Variants in SCNN1B observed in about 807,000 individuals in gnomAD.
SCNN1B encodes the protein epithelial sodium channel subunit beta.
Under a neutral mutation model 65.3 loss-of-function variants are expected in SCNN1B, and 46 were observed. The ratio of observed to expected loss-of-function variants is 0.70; its 90% CI spans 0.56 to 0.90. The LOEUF is 0.90. Ranked by LOEUF, SCNN1B falls within the 40% of genes least tolerant of loss-of-function variation. The pLI, the probability that SCNN1B is intolerant of heterozygous loss-of-function variation, is 0.00. For missense variants in SCNN1B, 751 were observed against 830.5 expected (o/e 0.90, Z 1.18); for synonymous variants, 349 against 330.6 (o/e 1.06, Z -0.60).
At position 23,380,256 on chromosome 16, in the gene SCNN1B, G is replaced by A. The variant is rs1315794889; in HGVS notation, c.1542+87G>A. On this transcript the variant is annotated intron_variant, in intron 12 of 12. Transcript: ENST00000343070. This position sits in a 1 kb window ranked among gnomAD's most constrained non-coding sequence, Gnocchi z 5.4. ...GTGGGGGAAGGGTTCTGAGCCCTAT[G>A]AAGGAATTAGGAAGATCCCTAAGAC... 1 of 1,502,044 alleles carries A rather than the reference G, an allele frequency of 6.7e-7. No homozygotes were observed. Among genetic ancestry groups the A allele is most frequent in the African/African-American group, 1.4e-5 (1 of 72,632 alleles). 93.0% of individuals were successfully genotyped at this position (1,502,044 alleles called of 1,614,324 possible). A position where few individuals can be genotyped will look rare whatever the true frequency, so the allele number is the denominator to read the frequency against.
At chr16:23,334,414 C>A (rs370040713) in intron 1 of SCNN1B, among the ~76,000 whole-genome samples, 10 of 152,306 alleles carry the variant, frequency 6.6e-5, no homozygotes, top group African/African-American at 2.4e-4. Flanking sequence ...ACTGTATGCA[C>A]AGGATTCACA....
At chr16:23,302,130 C>G (rs1961096445), upstream of SCNN1B, 1 of 152,388 alleles carries the variant, frequency 6.6e-6, no homozygotes, top group African/African-American at 2.4e-5. Context: ...CGCGTGCGTG[C>G]GGGGGGCGTC....
chr16:23,362,329 CAAA>C (rs113611025), intron 4 of SCNN1B, among the ~76,000 whole-genome samples: 1 of 121,566 alleles, frequency 8.2e-6, no homozygotes. Flanking sequence ...TGAGCAATCT[CAAA>C]AAAAAAAAAA....
rs1289727849 is a variant in SCNN1B, at chr16:23,381,140, G to C, written c.*339G>C. ...CCAGTGCCAGTCTCCATCCACCCCA[G>C]AGAGGAACAGGCGGGTGGGCCATGT... On this transcript the variant is annotated 3_prime_UTR_variant, in exon 13 of 13. Coordinates refer to ENST00000343070, the MANE Select transcript of SCNN1B (RefSeq NM_000336.3). 2.6e-6 allele frequency: 1 copy of C among 387,512 alleles called. No individual in the cohort carries two copies. Among genetic ancestry groups the C allele is most frequent in the Non-Finnish European group, 4.8e-6 (1 of 206,968 alleles). The allele number at this position is 387,512 out of a possible 1,614,324, so 24.0% of individuals were successfully genotyped here.
At chr16:23,296,648 G>A (rs1961001220) in intron 2 of SCNN1B, among the ~76,000 whole-genome samples, 1 of 152,150 alleles carries the variant, frequency 6.6e-6, no homozygotes. Context: ...GTGTCAGCTG[G>A]CGTGTTTTGG....
intron 5 of SCNN1B, among the ~76,000 whole-genome samples, chr16:23,370,871 A>C (rs1428636656): frequency 6.6e-6 from 1 of 152,172 alleles, no homozygotes; most frequent in Non-Finnish European, 1.5e-5. Context: ...AGGGAACAGC[A>C]CTCCAGAGTG....
chr16:23,316,893 C>T (rs1961483118), intron 1 of SCNN1B, among the ~76,000 whole-genome samples: 1 of 151,862 alleles, frequency 6.6e-6, no homozygotes, highest in Admixed American at 6.6e-5. Flanking sequence ...ACCACCATCA[C>T]CCTCACCATC....
chr16:23,282,171 A>G (rs949360144), intron 1 of SCNN1B, among the ~76,000 whole-genome samples: 4 of 152,198 alleles, frequency 2.6e-5, no homozygotes, highest in Admixed American at 2.6e-4. Flanking sequence ...TTTCACCACT[A>G]CACACTATAT....
intron 4 of SCNN1B, among the ~76,000 whole-genome samples, chr16:23,356,217 C>T (rs1396024347): frequency 2.6e-5 from 4 of 152,204 alleles, no homozygotes; most frequent in Admixed American, 1.3e-4. Context: ...TCAGGGTGGG[C>T]ACCCAGGCAT....
At chr16:23,347,252 G>A (rs1732532200) in intron 1 of SCNN1B, among the ~76,000 whole-genome samples, 1 of 152,156 alleles carries the variant, frequency 6.6e-6, no homozygotes, top group Admixed American at 6.5e-5. Flanking sequence ...CTTAACATCT[G>A]TCTTACCCAC....
intron 1 of SCNN1B, among the ~76,000 whole-genome samples, chr16:23,310,775 G>T (rs554243928): frequency 6.6e-6 from 1 of 152,364 alleles, no homozygotes; most frequent in South Asian, 2.1e-4. Flanking sequence ...AAGAAAAGAA[G>T]TGTACATTGA....
rs1234176671 is a variant in SCNN1B at position 23,380,061 on chromosome 16, A to G, written c.1467-33A>G. The G allele has an allele frequency of 1.3e-6, 2 of 1,546,368 alleles. No homozygotes were observed. The highest frequency in any genetic ancestry group is 1.4e-5 in the African/African-American group (1 of 73,580). ...GTCTGTCTGTTTGGAAGGGGGATAC[A>G]TTAGTCCCGGCCCTTCTCGCTGCCT... On this transcript the variant is annotated intron_variant, in intron 11 of 12. Coordinates refer to ENST00000343070, the MANE Select transcript of SCNN1B (RefSeq NM_000336.3). This position sits in a 1 kb window ranked among gnomAD's most constrained non-coding sequence, Gnocchi z 5.4.
intron 1 of SCNN1B, among the ~76,000 whole-genome samples, chr16:23,280,946 C>T (rs1403867778): frequency 6.6e-6 from 1 of 152,210 alleles, no homozygotes. Flanking sequence ...GAGAGAGACA[C>T]TTCCTTACAT....
intron 1 of SCNN1B, among the ~76,000 whole-genome samples, chr16:23,321,182 C>T (rs1961579407): frequency 6.6e-6 from 1 of 152,208 alleles, no homozygotes; most frequent in Non-Finnish European, 1.5e-5. Flanking sequence ...GCTGGGACTA[C>T]AGGGGTGTGC....
In SCNN1B at chr16:23,380,732, C is replaced by A. The variant is rs763059418; in HGVS notation, c.1854C>A (p.Pro618=). The change falls in exon 13 of 13, where the codon CCC becomes CCA. Residue 618 remains proline, a synonymous_variant. Coordinates refer to ENST00000343070, the MANE Select transcript of SCNN1B (RefSeq NM_000336.3). This position sits in a 1 kb window ranked among gnomAD's most constrained non-coding sequence, Gnocchi z 5.4. ...QALPIPGTPP[P]NYDSLRLQPL... is the part of the protein sequence containing the mutation. ...TGCCCATCCCAGGCACCCCGCCCCC[C>A]AACTATGACTCCCTGCGTCTGCAGC... is the stretch of plus-strand genomic sequence containing the variant. The A allele has an allele frequency of 1.3e-5, 21 of 1,612,494 alleles. No individual in the cohort carries two copies. Among genetic ancestry groups the A allele is most frequent in the Non-Finnish European group, 1.6e-5 (19 of 1,179,820 alleles).
At chr16:23,346,843 A>C (rs1962201415) in intron 1 of SCNN1B, among the ~76,000 whole-genome samples, 1 of 151,986 alleles carries the variant, frequency 6.6e-6, no homozygotes, top group Non-Finnish European at 1.5e-5. Flanking sequence ...CTTAGGTGCC[A>C]GGCATGAATC....
At position 23,375,882 on chromosome 16, in the gene SCNN1B, C is replaced by T. The variant is rs201655495; in HGVS notation, c.1270+27C>T. 1.3e-5 allele frequency: 18 copies of T among 1,431,072 alleles called. No homozygotes were observed. The African/African-American group carries it at 2.2e-4, about 18-fold the overall frequency. 88.6% of individuals were successfully genotyped at this position (1,431,072 alleles called of 1,614,324 possible). On this transcript the variant is annotated intron_variant, in intron 8 of 12. Transcript: ENST00000343070. Reference sequence around the variant, plus strand: ...TGAGCGGGGGCACGGGGGATCGGCACTCCAGCCATCTGGGGCCACAGAGGC... The same window carrying T: ...TGAGCGGGGGCACGGGGGATCGGCATTCCAGCCATCTGGGGCCACAGAGGC...
intron 4 of SCNN1B, among the ~76,000 whole-genome samples, chr16:23,360,311 G>A (rs1316991578): frequency 2.0e-5 from 3 of 152,076 alleles, no homozygotes; most frequent in Non-Finnish European, 2.9e-5. Flanking sequence ...CAAGGAGGGA[G>A]AATCGCTTGA....
In SCNN1B at chr16:23,380,659, C is replaced by T. The variant is rs1799979; in HGVS notation, c.1781C>T (p.Thr594Met). ...AHTNFGFQPD[T>M]APRSPNTGPY... Reference sequence around the variant, plus strand: ...ACCAACTTTGGCTTCCAGCCTGACACGGCCCCCCGCAGCCCCAACACTGGG... The same window carrying T: ...ACCAACTTTGGCTTCCAGCCTGACATGGCCCCCCGCAGCCCCAACACTGGG... The change falls in exon 13 of 13, where the codon ACG becomes ATG. Residue 594 changes from threonine to methionine, a missense_variant. By Grantham distance (81) the Thr-to-Met change is moderately conservative. Transcript: ENST00000343070. This position sits in a 1 kb window ranked among gnomAD's most constrained non-coding sequence, Gnocchi z 5.4. 1.6e-3 allele frequency: 2,533 copies of T among 1,612,722 alleles called. 31 individuals are homozygous for T. The African/African-American group carries it at 0.029, about 19-fold the overall frequency.
Sources: allele counts gnomAD v4.1 joint callset (sites outside exome capture counted in the v4.1 genomes callset), GRCh38; gene constraint gnomAD v4.1.1; non-coding constraint Gnocchi (gnomAD v3.1); transcripts MANE v1.5; gene names NCBI Gene and HGNC (gene_info 2026-07-23, HGNC 2026-07-21).